Variants in MAPK10 observed in about 807,000 individuals in gnomAD.
MAPK10 encodes mitogen-activated protein kinase 10, also known as JNK3 alpha protein kinase.
In MAPK10, 25 loss-of-function variants were observed where a neutral mutation model predicts 59.3. That is an observed-to-expected ratio of 0.42 (90% CI 0.31 to 0.59). The LOEUF (loss-of-function observed/expected upper bound fraction) is 0.59. Among genes scored for constraint, MAPK10 ranks in the 20% least tolerant of loss-of-function variants. MAPK10 has a pLI of 0.15. For missense variants in MAPK10, 351 were observed against 568.9 expected (o/e 0.62, Z 3.90); for synonymous variants, 190 against 200.5 (o/e 0.95, Z 0.44).
chr4:86,292,213 A>G (rs2095246988), intron 2 of MAPK10, among the ~76,000 whole-genome samples: 1 of 152,238 alleles, frequency 6.6e-6, no homozygotes, highest in Non-Finnish European at 1.5e-5. Flanking sequence ...AGGAACATCT[A>G]GAAATGTGTG....
intron 1 of MAPK10, among the ~76,000 whole-genome samples, chr4:86,498,399 T>C (rs1027320799): frequency 2.6e-5 from 4 of 152,198 alleles, no homozygotes; most frequent in Admixed American, 1.3e-4. Context: ...TATCTAACTC[T>C]AGTTATATGC....
intron 1 of MAPK10, among the ~76,000 whole-genome samples, chr4:86,475,984 A>C (rs938643864): frequency 6.6e-6 from 1 of 152,084 alleles, no homozygotes; most frequent in Non-Finnish European, 1.5e-5. Context: ...ATAGCCAGAA[A>C]ACGGCACTTT....
intron 5 of MAPK10, among the ~76,000 whole-genome samples, chr4:86,105,636 C>T (rs933027421): frequency 2.0e-5 from 3 of 152,084 alleles, no homozygotes; most frequent in Non-Finnish European, 4.4e-5. Flanking sequence ...CTCCATCCTC[C>T]TTGGTATAAC....
chr4:86,432,578 C>A (rs559203080), intron 1 of MAPK10, among the ~76,000 whole-genome samples: 2 of 152,212 alleles, frequency 1.3e-5, no homozygotes, highest in Non-Finnish European at 2.9e-5. Flanking sequence ...CCATGCCCAG[C>A]CAGGATTTCA....
intron 1 of MAPK10, among the ~76,000 whole-genome samples, chr4:86,405,233 A>G (rs779236641): frequency 6.6e-6 from 1 of 152,152 alleles, no homozygotes; most frequent in Non-Finnish European, 1.5e-5. Flanking sequence ...AATAATCATG[A>G]TAGGTAAGAT....
At chr4:86,258,983 G>A (rs1226388915) in intron 2 of MAPK10, among the ~76,000 whole-genome samples, 1 of 152,036 alleles carries the variant, frequency 6.6e-6, no homozygotes, top group Admixed American at 6.5e-5. Context: ...CTAATTTGCT[G>A]TTTTCACTGA....
chr4:86,428,310 A>ATTTTTGTATTTTTTG (rs1267635750), intron 1 of MAPK10, among the ~76,000 whole-genome samples: 2 of 151,956 alleles, frequency 1.3e-5, no homozygotes, highest in Non-Finnish European at 2.9e-5. Flanking sequence ...TGCCTGGCTA[A>ATTTTTGTATTTTTTG]TTTTTGTATT....
At chr4:86,302,482 G>A (rs1564154044) in intron 2 of MAPK10, among the ~76,000 whole-genome samples, 1 of 152,192 alleles carries the variant, frequency 6.6e-6, no homozygotes, top group Non-Finnish European at 1.5e-5. Context: ...AGCGACTCTG[G>A]ACTGACAGAA....
At chr4:86,337,199 C>A (rs563838404) in intron 2 of MAPK10, among the ~76,000 whole-genome samples, 2 of 152,264 alleles carry the variant, frequency 1.3e-5, no homozygotes, top group Admixed American at 1.3e-4. Context: ...ACAATAAAAT[C>A]TATTCTTGGA....
chr4:86,267,508 A>G (rs1028534763), intron 2 of MAPK10, among the ~76,000 whole-genome samples: 1 of 152,080 alleles, frequency 6.6e-6, no homozygotes, highest in African/African-American at 2.4e-5. Flanking sequence ...TTGGCTTCTC[A>G]CCCTGAGTAA....
intron 2 of MAPK10, among the ~76,000 whole-genome samples, chr4:86,277,919 T>G (rs538253457): frequency 3.3e-5 from 5 of 152,168 alleles, no homozygotes; most frequent in Middle Eastern, 3.4e-3. Context: ...CACACAAACA[T>G]GGAATACTAC....
At chr4:86,360,861 A>G (rs1422196222), upstream of MAPK10, among the ~76,000 whole-genome samples, 3 of 152,192 alleles carry the variant, frequency 2.0e-5, no homozygotes, top group East Asian at 5.8e-4. Context: ...GACTACTTGC[A>G]CTATAAAAAA....
intron 1 of MAPK10, among the ~76,000 whole-genome samples, chr4:86,467,405 T>C (rs542036170): frequency 1.3e-5 from 2 of 152,320 alleles, no homozygotes; most frequent in African/African-American, 2.4e-5. Flanking sequence ...CTTTTAAAAA[T>C]GTTTTTGAAG....
At chr4:86,131,902 A>AT (rs1195680959) in intron 4 of MAPK10, among the ~76,000 whole-genome samples, 1 of 152,200 alleles carries the variant, frequency 6.6e-6, no homozygotes, top group African/African-American at 2.4e-5. Context: ...ATAAATTGAA[A>AT]TGTACCAGAT....
intron 1 of MAPK10, among the ~76,000 whole-genome samples, chr4:86,460,917 T>A (rs528113049): frequency 6.6e-6 from 1 of 152,312 alleles, no homozygotes; most frequent in Non-Finnish European, 1.5e-5. Flanking sequence ...GGCTCTCAGC[T>A]CTGAAGGCTG....
chr4:86,080,475 C>CAT (rs2050412783), intron 9 of MAPK10: 2 of 151,860 alleles, frequency 1.3e-5, no homozygotes, highest in Non-Finnish European at 2.9e-5. Flanking sequence ...AATTCTATAT[C>CAT]TAACTAAACT....
At chr4:86,166,975 C>A (rs920987698) in intron 3 of MAPK10, among the ~76,000 whole-genome samples, 7 of 151,726 alleles carry the variant, frequency 4.6e-5, no homozygotes, top group Non-Finnish European at 1.0e-4. Flanking sequence ...TGACTGCTAG[C>A]TAGACTAATA....
chr4:86,067,473 G>T (rs994869079), intron 10 of MAPK10, among the ~76,000 whole-genome samples: 2 of 151,972 alleles, frequency 1.3e-5, no homozygotes, highest in Non-Finnish European at 2.9e-5. Flanking sequence ...TCTAAAATCC[G>T]TGGCTACTCC....
intron 1 of MAPK10, among the ~76,000 whole-genome samples, chr4:86,395,384 C>T (rs1742774497): frequency 6.6e-6 from 1 of 152,160 alleles, no homozygotes; most frequent in South Asian, 2.1e-4. Context: ...AATGTGTTAG[C>T]TAACATGTGT....
Sources: allele counts gnomAD v4.1 joint callset (sites outside exome capture counted in the v4.1 genomes callset), GRCh38; gene constraint gnomAD v4.1.1; transcripts MANE v1.5; gene names NCBI Gene and HGNC (gene_info 2026-07-23, HGNC 2026-07-21).